The following ZNF667 variants were observed in gnomAD, a reference collection of about 807,000 sequenced individuals.
The protein encoded by ZNF667 is zinc finger protein 667, also known as myocardial ischemic preconditioning upregulated 1 ortholog.
Under a neutral mutation model 31.8 loss-of-function variants are expected in ZNF667, and 13 were observed. The ratio of observed to expected loss-of-function variants is 0.41; its 90% confidence interval spans 0.27 to 0.65. The LOEUF is 0.65. Ranked by LOEUF, ZNF667 falls within the 30% of genes least tolerant of loss-of-function variation. The pLI is 0.32. For synonymous variants in ZNF667, 228 were observed against 247.1 expected, an observed-to-expected ratio of 0.92 and a Z score of 0.73; for missense variants, 642 against 725.6, an observed-to-expected ratio of 0.88 and a Z score of 1.32.
intron 6 of ZNF667, among the ~76,000 whole-genome samples, chr19:56,450,168 TA>T (rs1357987621): frequency 2.0e-5 from 3 of 152,042 alleles, no homozygotes; most frequent in African/African-American, 7.2e-5. Flanking sequence ...CTACCTCAGA[TA>T]ATTTAATAAA....
At chr19:56,450,431 A>G (rs1190792938) in intron 6 of ZNF667, among the ~76,000 whole-genome samples, 1 of 152,200 alleles carries the variant, frequency 6.6e-6, no homozygotes, top group Non-Finnish European at 1.5e-5. Flanking sequence ...AAGCTGAGAG[A>G]TTTTGTCAAC....
chr19:56,449,992 C>A, intron 6 of ZNF667, among the ~76,000 whole-genome samples: 1 of 150,692 alleles, frequency 6.6e-6, no homozygotes, highest in African/African-American at 2.4e-5. Context: ...TATATAGACC[C>A]AAAAGGGCAT....
In ZNF667 at chr19:56,448,638, T is replaced by TAA. The variant is rs34255832; in HGVS notation, c.254-5899_254-5898dup. Among the ~76,000 whole-genome samples, 413 of 148,814 alleles carry TAA rather than the reference T, an allele frequency of 2.8e-3. 1 individual carries two copies. The highest frequency in any genetic ancestry group is 0.014 in the Middle Eastern group (4 of 288). The stretch of plus-strand genomic sequence containing the variant: ...AACTTGGATATCATCTCAACCACAG[T>TAA]AAAAAAAAAAAAGTGCCAAGCAGTG... On this transcript the variant is annotated intron_variant, in intron 6 of 6. Transcript: ENST00000504904.
At chr19:56,458,839 A>G (rs1309177021) in intron 5 of ZNF667, among the ~76,000 whole-genome samples, 3 of 152,142 alleles carry the variant, frequency 2.0e-5, no homozygotes. Context: ...AATATCTTTT[A>G]CACTGAGTTG....
intron 3 of ZNF667, among the ~76,000 whole-genome samples, chr19:56,471,085 C>T (rs975015639): frequency 1.3e-5 from 2 of 152,086 alleles, no homozygotes; most frequent in African/African-American, 4.8e-5. Context: ...AATAGTTGAG[C>T]ACCATCCCTT....
At chr19:56,457,889 T>C (rs911141966) in intron 6 of ZNF667, among the ~76,000 whole-genome samples, 19 of 152,112 alleles carry the variant, frequency 1.2e-4, no homozygotes, top group African/African-American at 4.6e-4. Flanking sequence ...ATGAATGAGA[T>C]ATCATCTATA....
At chr19:56,456,940 C>A (rs754923692) in intron 6 of ZNF667, among the ~76,000 whole-genome samples, 4 of 151,966 alleles carry the variant, frequency 2.6e-5, no homozygotes, top group Non-Finnish European at 4.4e-5. Context: ...AAATAATGCA[C>A]GTGTCTTCTT....
At chr19:56,452,756 C>A (rs2042858505) in intron 6 of ZNF667, among the ~76,000 whole-genome samples, 1 of 152,020 alleles carries the variant, frequency 6.6e-6, no homozygotes, top group African/African-American at 2.4e-5. Flanking sequence ...CCCATCTCTA[C>A]TAAAAATACA....
At chr19:56,473,765 A>G (rs538028040) in intron 2 of ZNF667, among the ~76,000 whole-genome samples, 2 of 152,370 alleles carry the variant, frequency 1.3e-5, no homozygotes, top group African/African-American at 4.8e-5. Flanking sequence ...AAATGGTATT[A>G]TAAGGGCAAA....
chr19:56,451,886 A>AC (rs2042833142), intron 6 of ZNF667, among the ~76,000 whole-genome samples: 1 of 103,066 alleles, frequency 9.7e-6, no homozygotes, highest in African/African-American at 3.4e-5. Flanking sequence ...AAAAAAAAAA[A>AC]AAAAAAAAAA....
intron 2 of ZNF667, among the ~76,000 whole-genome samples, chr19:56,473,259 T>C (rs1031287553): frequency 2.0e-5 from 3 of 152,230 alleles, no homozygotes; most frequent in Non-Finnish European, 4.4e-5. Flanking sequence ...ACACTCTATG[T>C]GTCCTCTCCC....
intron 6 of ZNF667, among the ~76,000 whole-genome samples, chr19:56,450,663 A>G (rs1351867760): frequency 6.6e-6 from 1 of 152,224 alleles, no homozygotes; most frequent in Non-Finnish European, 1.5e-5. Flanking sequence ...GGCAACTACA[A>G]CAACTCAAGA....
chr19:56,455,117 C>T (rs2042905496), intron 6 of ZNF667, among the ~76,000 whole-genome samples: 1 of 152,110 alleles, frequency 6.6e-6, no homozygotes, highest in South Asian at 2.1e-4. Context: ...CAAATCAAAA[C>T]TACATGGTAT....
intron 3 of ZNF667, among the ~76,000 whole-genome samples, chr19:56,469,365 G>A (rs929773485): frequency 6.6e-6 from 1 of 152,182 alleles, no homozygotes; most frequent in Non-Finnish European, 1.5e-5. Context: ...ATCACTCTGG[G>A]GTCAGACTGA....
chr19:56,447,288 A>T (rs1030222454), intron 6 of ZNF667, among the ~76,000 whole-genome samples: 1 of 152,162 alleles, frequency 6.6e-6, no homozygotes, highest in Non-Finnish European at 1.5e-5. Flanking sequence ...CTTACTATAC[A>T]AGCAGAAAAT....
At chr19:56,448,961 G>C (rs1218360051) in intron 6 of ZNF667, among the ~76,000 whole-genome samples, 1 of 152,178 alleles carries the variant, frequency 6.6e-6, no homozygotes, top group Admixed American at 6.5e-5. Context: ...GCTCAGCACA[G>C]AGACAGAGAG....
At chr19:56,466,405 G>A (rs940525720) in intron 3 of ZNF667, among the ~76,000 whole-genome samples, 6 of 152,152 alleles carry the variant, frequency 3.9e-5, no homozygotes, top group Non-Finnish European at 5.9e-5. Context: ...CAGTCATTCT[G>A]CAACAGATGG....
At position 56,460,676 on chromosome 19, in the gene ZNF667, C is replaced by A. The variant is rs570777441; in HGVS notation, c.160+13G>T. On this transcript the variant is annotated intron_variant, in intron 5 of 6. Coordinates refer to ENST00000504904, the MANE Select transcript of ZNF667 (RefSeq NM_001321356.2). ...TAGGCTGGTTCTGGATTGTGGGGGA[C>A]GAAGAGCCTTACCAAGCGAGACCAG... is the stretch of plus-strand genomic sequence containing the variant. 3 of 1,606,946 alleles carry A rather than the reference C, an allele frequency of 1.9e-6. No individual in the cohort carries two copies. In the South Asian group the frequency reaches 3.3e-5, roughly 18 times the overall value.
intron 3 of ZNF667, chr19:56,467,135 T>C (rs1378445359): frequency 2.3e-6 from 1 of 442,560 alleles, no homozygotes; most frequent in Non-Finnish European, 4.5e-6. Context: ...ATTAGCACTG[T>C]GTGCCATGCC....
Sources: gnomAD v4.1 joint callset for allele counts (sites outside exome capture counted in the v4.1 genomes callset) on GRCh38, gnomAD v4.1.1 for gene constraint, MANE v1.5 for transcripts, NCBI Gene and HGNC (gene_info 2026-07-23, HGNC 2026-07-21) for gene names.